The following PM20D2 variants were observed in gnomAD, a reference collection of about 807,000 sequenced individuals.
The protein encoded by PM20D2 is xaa-Arg dipeptidase.
A neutral mutation model predicts 42.9 loss-of-function variants in PM20D2; 33 were observed. That is an observed-to-expected ratio of 0.77 (90% confidence interval 0.58 to 1.03). The LOEUF (loss-of-function observed/expected upper bound fraction) is 1.03. Among genes scored for constraint, PM20D2 ranks in the 50% least tolerant of loss-of-function variants. PM20D2 has a pLI of 0.00. For missense variants in PM20D2, 548 were observed against 557.0 expected, an observed-to-expected ratio of 0.98 and a Z score of 0.16; for synonymous variants, 250 against 228.2, an observed-to-expected ratio of 1.10 and a Z score of -0.86.
the PM20D2 span, among the ~76,000 whole-genome samples, chr6:89,099,393 T>G: frequency 1.4e-5 from 1 of 69,996 alleles, no homozygotes; most frequent in Non-Finnish European, 3.2e-5. Flanking sequence ...CAGCTCTCTC[T>G]CTCTCTCTCC....
the PM20D2 span, among the ~76,000 whole-genome samples, chr6:89,131,165 C>G: frequency 6.6e-6 from 1 of 152,082 alleles, no homozygotes; most frequent in Non-Finnish European, 1.5e-5. Context: ...TATAAAACCA[C>G]TAATCCCACT....
upstream of PM20D2, among the ~76,000 whole-genome samples, chr6:89,143,138 T>G (rs1770396116): frequency 6.6e-6 from 1 of 152,160 alleles, no homozygotes; most frequent in South Asian, 2.1e-4. Flanking sequence ...CATGAGCTCA[T>G]GCTTTGCCAT....
chr6:89,096,624 T>C, the PM20D2 span: 1 of 152,188 alleles, frequency 6.6e-6, no homozygotes, highest in Admixed American at 6.5e-5. Flanking sequence ...AAAGATACTA[T>C]AATCAATCCC....
At chr6:89,129,021 TTTC>T in the PM20D2 span, among the ~76,000 whole-genome samples, 4 of 151,838 alleles carry the variant, frequency 2.6e-5, no homozygotes, top group Non-Finnish European at 4.4e-5. Context: ...AGCTACAAAG[TTTC>T]TTCAACAAAT....
chr6:89,095,295 G>A, the PM20D2 span, among the ~76,000 whole-genome samples: 7 of 152,154 alleles, frequency 4.6e-5, no homozygotes, highest in South Asian at 6.2e-4. Context: ...ACACCATCTC[G>A]GCTCTCTGCA....
chr6:89,099,417 T>TATATATATGTGTATATATACACAC, the PM20D2 span, among the ~76,000 whole-genome samples: 7 of 131,736 alleles, frequency 5.3e-5, no homozygotes, highest in African/African-American at 2.3e-4. Context: ...TATATATACA[T>TATATATATGTGTATATATACACAC]ATATATATGT....
the PM20D2 span, among the ~76,000 whole-genome samples, chr6:89,126,743 C>T: frequency 6.6e-6 from 1 of 150,964 alleles, no homozygotes; most frequent in South Asian, 2.1e-4. Context: ...CAGCCCAGTA[C>T]CATTTGGCAC....
chr6:89,115,860 C>T, the PM20D2 span, among the ~76,000 whole-genome samples: 1 of 151,838 alleles, frequency 6.6e-6, no homozygotes, highest in Non-Finnish European at 1.5e-5. Flanking sequence ...TGGTTTCCAT[C>T]TCCTGACCTC....
the PM20D2 span, among the ~76,000 whole-genome samples, chr6:89,108,115 A>G: frequency 1.3e-5 from 2 of 152,314 alleles, no homozygotes; most frequent in African/African-American, 4.8e-5. Flanking sequence ...CCCAAATCTG[A>G]CAGGTATTTC....
At position 89,162,178 on chromosome 6, in the gene PM20D2, TTTTTAAACC is replaced by T. The variant is rs1470111168; in HGVS notation, c.1227_1235del (p.Phe410_Pro412del). The T allele has an allele frequency of 6.8e-6, 11 of 1,614,144 alleles. No homozygotes were observed. Among genetic ancestry groups the T allele is most frequent in the Non-Finnish European group, 9.3e-6 (11 of 1,179,964 alleles). The stretch of plus-strand genomic sequence containing the variant: ...CTGGCAATGACGGCACTGGATGTTA[TTTTTAAACC>T]AGAGTTACTGGAAGGAATCAGAGAG... On this transcript the variant is annotated inframe_deletion, in exon 7 of 7. Coordinates refer to ENST00000275072, the MANE Select transcript of PM20D2 (RefSeq NM_001010853.3).
chr6:89,117,869 G>C, the PM20D2 span: 2 of 1,562,302 alleles, frequency 1.3e-6, no homozygotes, highest in Non-Finnish European at 8.6e-7. Context: ...GTGTTGGGGG[G>C]CCTCGTGTAG....
At chr6:89,118,820 A>C in the PM20D2 span, among the ~76,000 whole-genome samples, 1 of 152,206 alleles carries the variant, frequency 6.6e-6, no homozygotes, top group South Asian at 2.1e-4. Flanking sequence ...TGTACAAATG[A>C]ATACATGATG....
the PM20D2 span, chr6:89,098,728 T>A: frequency 1.9e-6 from 3 of 1,613,890 alleles, no homozygotes; most frequent in Non-Finnish European, 2.5e-6. Flanking sequence ...GTCTTCCATG[T>A]GATCTTGATT....
the PM20D2 span, among the ~76,000 whole-genome samples, chr6:89,129,856 CA>C: frequency 1.3e-5 from 2 of 151,898 alleles, no homozygotes; most frequent in African/African-American, 2.4e-5. Flanking sequence ...GCCTCCCAAA[CA>C]GCTGGGACTA....
At chr6:89,114,892 G>T in the PM20D2 span, among the ~76,000 whole-genome samples, 4 of 152,032 alleles carry the variant, frequency 2.6e-5, no homozygotes, top group South Asian at 2.1e-4. Flanking sequence ...CACCTCCCGG[G>T]TTCAAGCGAT....
chr6:89,137,752 T>TA, the PM20D2 span, among the ~76,000 whole-genome samples: 2 of 152,216 alleles, frequency 1.3e-5, no homozygotes, highest in African/African-American at 4.8e-5. Context: ...ATGAAAATTT[T>TA]ACAGCTGCAT....
chr6:89,159,459 T>G (rs1004363609), intron 5 of PM20D2, among the ~76,000 whole-genome samples: 1 of 152,166 alleles, frequency 6.6e-6, no homozygotes, highest in Non-Finnish European at 1.5e-5. Flanking sequence ...TAGAAATTCA[T>G]GAATTGTCTG....
the PM20D2 span, among the ~76,000 whole-genome samples, chr6:89,134,529 A>C: frequency 6.6e-6 from 1 of 151,160 alleles, no homozygotes; most frequent in African/African-American, 2.5e-5. Flanking sequence ...AGTTACTAAA[A>C]TAGTTAGCAA....
rs941421805 is a variant in PM20D2 at position 89,154,747 on chromosome 6, G to A, written c.758-1G>A. 3.3e-6 allele frequency: 5 copies of A among 1,512,032 alleles called. No homozygotes were observed. Among genetic ancestry groups the A allele is most frequent in the African/African-American group, 2.8e-5 (2 of 70,668 alleles). The allele number at this position is 1,512,032 out of a possible 1,614,324, so 93.7% of individuals were successfully genotyped here. A position where few individuals can be genotyped will look rare whatever the true frequency, so the allele number is the denominator to read the frequency against. The stretch of plus-strand genomic sequence containing the variant: ...TTCTAGTAATTTGGTTCTTTTTATA[G>A]GTATAATAAAAAATGGTGGTGTAAA... On this transcript the variant is annotated splice_acceptor_variant, in intron 3 of 6. Coordinates refer to ENST00000275072, the MANE Select transcript of PM20D2 (RefSeq NM_001010853.3). LOFTEE classifies it high-confidence loss of function.
Sources: allele counts gnomAD v4.1 joint callset (sites outside exome capture counted in the v4.1 genomes callset), GRCh38; gene constraint gnomAD v4.1.1; transcripts MANE v1.5; gene names NCBI Gene and HGNC (gene_info 2026-07-23, HGNC 2026-07-21).